Variants in TENM1 observed in about 807,000 individuals in gnomAD.
TENM1 encodes the protein teneurin-1.
A neutral mutation model predicts 174.8 loss-of-function variants in TENM1; 35 were observed. That is an observed-to-expected ratio of 0.20 (90% CI 0.15 to 0.27). The LOEUF (loss-of-function observed/expected upper bound fraction) is 0.27, where lower values mean the gene tolerates loss of function less well. Among genes scored for constraint, TENM1 ranks in the 10% least tolerant of loss-of-function variants. The pLI, the probability that TENM1 is intolerant of heterozygous loss-of-function variation, is 1.00. For missense variants in TENM1, 1,633 were observed against 2,130.1 expected, an observed-to-expected ratio of 0.77 and a Z score of 4.59; for synonymous variants, 781 against 798.7, an observed-to-expected ratio of 0.98 and a Z score of 0.37.
chrX:124,741,668 G>A (rs1189218317), intron 3 of TENM1, among the ~76,000 whole-genome samples: 4 of 112,049 alleles, frequency 3.6e-5, no homozygotes, highest in Admixed American at 1.9e-4. Context: ...CAAATTGTGA[G>A]TTATTGTGAA....
At position 124,719,835 on chromosome X, in the gene TENM1, C is replaced by T. The variant is rs753088453; in HGVS notation, c.777-14584G>A. Among the ~76,000 whole-genome samples, 4 of 112,242 alleles carry T rather than the reference C, an allele frequency of 3.6e-5. No homozygotes were observed. In the East Asian group the frequency reaches 8.4e-4, roughly 23 times the overall value. Reference sequence around the variant, plus strand: ...ACTTATTTTTTCTATGCATCATTGCCTATCCTTAGAAAACAAATATCATCA... The same window carrying T: ...ACTTATTTTTTCTATGCATCATTGCTTATCCTTAGAAAACAAATATCATCA... On this transcript the variant is annotated intron_variant, in intron 4 of 31. Coordinates refer to ENST00000422452, the Ensembl canonical transcript of TENM1.
chrX:124,437,787 C>T (rs370208964), intron 23 of TENM1, among the ~76,000 whole-genome samples: 2 of 111,967 alleles, frequency 1.8e-5, no homozygotes. Flanking sequence ...TTGAGATGCG[C>T]CAAATGAACC....
intron 1 of TENM1, among the ~76,000 whole-genome samples, chrX:124,958,658 A>T (rs1268527707): frequency 9.0e-6 from 1 of 111,217 alleles, no homozygotes; most frequent in Non-Finnish European, 1.9e-5. Flanking sequence ...CATCGACTTG[A>T]TTTCTGATCC....
chrX:124,630,568 T>A (rs1156798444), intron 11 of TENM1, among the ~76,000 whole-genome samples: 2 of 111,892 alleles, frequency 1.8e-5, no homozygotes. Context: ...AGTTTGCAGA[T>A]GTGTAAATTG....
chrX:124,421,461 G>T (rs1432595679), intron 24 of TENM1, among the ~76,000 whole-genome samples: 1 of 112,104 alleles, frequency 8.9e-6, no homozygotes, highest in East Asian at 2.8e-4. Context: ...GAAAGGCAAA[G>T]GTTAAGAGAA....
intron 3 of TENM1, among the ~76,000 whole-genome samples, chrX:124,759,238 T>C (rs1169275793): frequency 8.9e-6 from 1 of 111,837 alleles, no homozygotes; most frequent in Non-Finnish European, 1.9e-5. Flanking sequence ...GATAATTACA[T>C]GGTCATCAAC....
At chrX:124,381,503 T>C (rs1409709564) in intron 31 of TENM1, among the ~76,000 whole-genome samples, 3 of 111,971 alleles carry the variant, frequency 2.7e-5, no homozygotes, top group Non-Finnish European at 3.8e-5. Context: ...TATATCTTGG[T>C]GGAGTTAAGC....
intron 1 of TENM1, among the ~76,000 whole-genome samples, chrX:124,906,943 T>C (rs760534792): frequency 9.0e-6 from 1 of 110,975 alleles, no homozygotes; most frequent in South Asian, 3.9e-4. Flanking sequence ...ATAGGCATTA[T>C]AAAGCAGTGA....
intron 1 of TENM1, among the ~76,000 whole-genome samples, chrX:124,961,605 C>T (rs1439047687): frequency 9.0e-6 from 1 of 111,201 alleles, no homozygotes; most frequent in Admixed American, 9.6e-5. Flanking sequence ...GATCATGCCA[C>T]TGCATTCCAG....
At chrX:124,534,221 G>A (rs1252353975) in intron 15 of TENM1, among the ~76,000 whole-genome samples, 2 of 111,921 alleles carry the variant, frequency 1.8e-5, no homozygotes, top group Non-Finnish European at 3.8e-5. Context: ...GGAAATGCAG[G>A]TCAGAATACA....
At chrX:125,026,547 G>C in the TENM1 span, among the ~76,000 whole-genome samples, 1 of 111,625 alleles carries the variant, frequency 9.0e-6, no homozygotes, top group African/African-American at 3.2e-5. Context: ...ATTCACTGAG[G>C]CTTGTGTAAC....
At chrX:124,540,872 C>G (rs2048303874) in intron 15 of TENM1, among the ~76,000 whole-genome samples, 1 of 111,672 alleles carries the variant, frequency 9.0e-6, no homozygotes, top group Admixed American at 9.5e-5. Context: ...AGTCTTCCTG[C>G]TGACCTCCTG....
At chrX:125,067,494 T>C in the TENM1 span, among the ~76,000 whole-genome samples, 1 of 111,920 alleles carries the variant, frequency 8.9e-6, no homozygotes, top group Non-Finnish European at 1.9e-5. Flanking sequence ...TGAAAGCTTT[T>C]CCTTTTGCTC....
chrX:124,651,969 C>T (rs376555003), exon 8 of TENM1: 9 of 1,207,741 alleles, frequency 7.5e-6, no homozygotes, highest in South Asian at 3.5e-5. Context: ...CATTGTAAAA[C>T]GCCAGATACC....
intron 25 of TENM1, among the ~76,000 whole-genome samples, chrX:124,407,219 CA>C (rs59240118): frequency 0.16 from 14,075 of 86,380 alleles, 880 homozygotes; most frequent in East Asian, 0.35. Context: ...TTACTTTTTC[CA>C]AAAAAAAAAA....
chrX:124,720,604 C>T (rs1003692182), intron 4 of TENM1, among the ~76,000 whole-genome samples: 3 of 112,184 alleles, frequency 2.7e-5, no homozygotes, highest in African/African-American at 9.7e-5. Context: ...GCATCCTTGA[C>T]CTTGGCAAAA....
At chrX:124,809,867 AG>A (rs1456085964) in intron 3 of TENM1, among the ~76,000 whole-genome samples, 79 of 108,155 alleles carry the variant, frequency 7.3e-4, no homozygotes, top group African/African-American at 2.5e-3. Flanking sequence ...AGAGAGAGAG[AG>A]AGAGAGAGAG....
chrX:124,582,605 G>A (rs546098901), intron 11 of TENM1, among the ~76,000 whole-genome samples: 21 of 112,123 alleles, frequency 1.9e-4, no homozygotes, highest in African/African-American at 5.5e-4. Flanking sequence ...CAGCGTGAGC[G>A]ACACAGAAGA....
chrX:124,988,298 T>G, the TENM1 span, among the ~76,000 whole-genome samples: 6 of 111,932 alleles, frequency 5.4e-5, no homozygotes, highest in Non-Finnish European at 9.4e-5. Context: ...TAGGAACAAC[T>G]TTGTAGCAAT....
Sources: gnomAD v4.1 joint callset for allele counts (sites outside exome capture counted in the v4.1 genomes callset) on GRCh38, gnomAD v4.1.1 for gene constraint, MANE v1.5 for transcripts, NCBI Gene and HGNC (gene_info 2026-07-23, HGNC 2026-07-21) for gene names.